Variants in ZDHHC6 observed in about 807,000 individuals in gnomAD.
The protein encoded by ZDHHC6 is zDHHC palmitoyltransferase 6.
Under a neutral mutation model 57.8 loss-of-function variants are expected in ZDHHC6, and 32 were observed. That is an observed-to-expected ratio of 0.55 (90% CI 0.42 to 0.74). The LOEUF (loss-of-function observed/expected upper bound fraction) is 0.74. ZDHHC6 is among the 30% of genes least tolerant of loss of function. The pLI is 0.00. For missense variants in ZDHHC6, 433 were observed against 500.7 expected, an observed-to-expected ratio of 0.86 and a Z score of 1.29; for synonymous variants, 128 against 158.0, an observed-to-expected ratio of 0.81 and a Z score of 1.42.
In ZDHHC6 at chr10:112,430,839, C is replaced by A; in HGVS notation, c.1207G>T (p.Asp403Tyr). 1 of 1,613,800 alleles carries A rather than the reference C, an allele frequency of 6.2e-7. No individual in the cohort carries two copies. The highest frequency in any genetic ancestry group is 1.1e-5 in the South Asian group (1 of 90,972). ...VEKCPCDAETDQAPEGEKKNR is the reference protein window; with the variant it reads ...VEKCPCDAETYQAPEGEKKNR ...TTCTTCTCCCCCTCTGGGGCTTGATCTGTTTCAGCATCACAGGGACACTTT... is the reference window on the plus strand; with the variant it reads ...TTCTTCTCCCCCTCTGGGGCTTGATATGTTTCAGCATCACAGGGACACTTT... Residue 403 changes from aspartate to tyrosine, a missense_variant, in exon 11 of 11, where the codon GAT becomes TAT. Asp to Tyr is a radical substitution (Grantham distance 160). Coordinates refer to ENST00000369405, the MANE Select transcript of ZDHHC6 (RefSeq NM_022494.3).
intron 6 of ZDHHC6, among the ~76,000 whole-genome samples, chr10:112,437,382 T>TA (rs1845643647): frequency 6.6e-6 from 1 of 152,202 alleles, no homozygotes; most frequent in Non-Finnish European, 1.5e-5. Context: ...AAGAGCAAGA[T>TA]AGACTGATGA....
At chr10:112,442,779 T>C (rs1390605467) in intron 3 of ZDHHC6, among the ~76,000 whole-genome samples, 1 of 152,196 alleles carries the variant, frequency 6.6e-6, no homozygotes, top group Non-Finnish European at 1.5e-5. Flanking sequence ...TGGGCTCAAA[T>C]AGACACATGT....
chr10:112,447,565 G>A (rs1846932776), upstream of ZDHHC6: 1 of 1,371,548 alleles, frequency 7.3e-7, no homozygotes, highest in Non-Finnish European at 1.0e-6. Context: ...GAGGCGCGAG[G>A]CTGGAGTGGG....
downstream of ZDHHC6, chr10:112,428,151 G>C (rs1844812991): frequency 9.7e-6 from 3 of 310,656 alleles, no homozygotes; most frequent in South Asian, 4.8e-4. Flanking sequence ...GGTGGGCCCA[G>C]TGAACTTTTC....
At position 112,442,462 on chromosome 10, in the gene ZDHHC6, G is replaced by A. The variant is rs1442277037; in HGVS notation, c.360-111C>T. 4.1e-6 allele frequency: 4 copies of A among 984,782 alleles called. No homozygotes were observed. The East Asian group carries it at 8.0e-5, about 20-fold the overall frequency. 61.0% of individuals were successfully genotyped at this position (984,782 alleles called of 1,614,324 possible). On this transcript the variant is annotated intron_variant, in intron 3 of 10. Coordinates refer to ENST00000369405, the MANE Select transcript of ZDHHC6 (RefSeq NM_022494.3). The stretch of plus-strand genomic sequence containing the variant: ...GGAATCCAGCATGTCCATGAGCTAC[G>A]AGAGAATTATACTTCATGGAACAGA...
At chr10:112,425,902 G>A (rs145877511), downstream of ZDHHC6, among the ~76,000 whole-genome samples, 66 of 152,206 alleles carry the variant, frequency 4.3e-4, no homozygotes, top group African/African-American at 1.5e-3. Flanking sequence ...ATGCTTAAAC[G>A]TAGCTTTAAG....
upstream of ZDHHC6, chr10:112,447,388 C>G (rs373573273): frequency 3.1e-6 from 5 of 1,613,516 alleles, no homozygotes. Flanking sequence ...CGTCCGACTT[C>G]GAAGGTTACG....
chr10:112,441,345 C>T (rs1474312216), intron 4 of ZDHHC6, among the ~76,000 whole-genome samples: 2 of 152,158 alleles, frequency 1.3e-5, no homozygotes, highest in Non-Finnish European at 2.9e-5. Flanking sequence ...TATTCTACAT[C>T]GCAGTATTCT....
chr10:112,444,765 TTA>T (rs532849720), intron 2 of ZDHHC6, among the ~76,000 whole-genome samples: 350 of 152,334 alleles, frequency 2.3e-3, no homozygotes, highest in Middle Eastern at 6.8e-3. Flanking sequence ...TTTTAAAACT[TTA>T]TGATTTAAAC....
Position 112,433,221 on chromosome 10 carries a change from C to G in ZDHHC6, c.945+19G>C. On this transcript the variant is annotated intron_variant, in intron 8 of 10. Coordinates refer to ENST00000369405, the MANE Select transcript of ZDHHC6 (RefSeq NM_022494.3). ...CTAACAAAAGAAAAAAAAATTACCACTGCAAAAGAAGTACTTACACTTCTG... is the reference window on the plus strand; with the variant it reads ...CTAACAAAAGAAAAAAAAATTACCAGTGCAAAAGAAGTACTTACACTTCTG... 5 of 1,569,906 alleles carry G rather than the reference C, an allele frequency of 3.2e-6. No homozygotes were observed. Among genetic ancestry groups the G allele is most frequent in the Non-Finnish European group, 4.3e-6 (5 of 1,162,606 alleles).
intron 5 of ZDHHC6, 72 bp downstream of exon 5, chr10:112,440,462 G>A (rs1014148122): frequency 1.2e-5 from 18 of 1,474,684 alleles, no homozygotes; most frequent in Admixed American, 5.9e-5. Context: ...TTAAATACAG[G>A]CTTTGTCTCT....
In ZDHHC6 at chr10:112,438,384, T is replaced by A; in HGVS notation, c.687A>T (p.Lys229Asn). The change falls in exon 6 of 11, where the codon AAA becomes AAT. Residue 229 changes from lysine to asparagine, a missense_variant. Lys to Asn is a moderately conservative substitution (Grantham distance 94). Transcript: ENST00000369405. ...AVGMLFFIQMKIILRNKTSIE... is the reference protein window; with the variant it reads ...AVGMLFFIQMNIILRNKTSIE... ...TAGAAGTTTTGTTTCTGAGAATTAT[T>A]TTCATCTGGAAATTAAATGATAGTA... is the stretch of plus-strand genomic sequence containing the variant. 1.4e-6 allele frequency: 2 copies of A among 1,389,904 alleles called. No individual in the cohort carries two copies. Among genetic ancestry groups the A allele is most frequent in the Non-Finnish European group, 1.9e-6 (2 of 1,042,046 alleles). The allele number at this position is 1,389,904 out of a possible 1,614,324, so 86.1% of individuals were successfully genotyped here.
chr10:112,445,889 C>T (rs1846616306), intron 1 of ZDHHC6, among the ~76,000 whole-genome samples: 1 of 152,182 alleles, frequency 6.6e-6, no homozygotes, highest in Non-Finnish European at 1.5e-5. Context: ...TTTTTTTATT[C>T]CTTCTCCGCT....
chr10:112,428,496 G>GGAA, downstream of ZDHHC6: 1 of 398,358 alleles, frequency 2.5e-6, no homozygotes, highest in East Asian at 3.6e-5. Flanking sequence ...GAATTATCTA[G>GGAA]GAAGTTTAAA....
rs761637823 is a variant in ZDHHC6 at position 112,433,226 on chromosome 10, A to G, written c.945+14T>C. On this transcript the variant is annotated intron_variant, in intron 8 of 10. Coordinates refer to ENST00000369405, the MANE Select transcript of ZDHHC6 (RefSeq NM_022494.3). ...AAAAGAAAAAAAAATTACCACTGCA[A>G]AAGAAGTACTTACACTTCTGACTCT... 5 of 1,574,874 alleles carry G rather than the reference A, an allele frequency of 3.2e-6. No individual in the cohort carries two copies. Among genetic ancestry groups the G allele is most frequent in the African/African-American group, 2.8e-5 (2 of 72,702 alleles).
chr10:112,431,595 T>C (rs912382379), intron 10 of ZDHHC6, among the ~76,000 whole-genome samples: 3 of 152,308 alleles, frequency 2.0e-5, no homozygotes, highest in Non-Finnish European at 2.9e-5. Flanking sequence ...ATTACAGGCA[T>C]GAGTCACCAC....
intron 5 of ZDHHC6, among the ~76,000 whole-genome samples, chr10:112,439,384 G>C (rs1176377137): frequency 1.3e-5 from 2 of 152,066 alleles, no homozygotes; most frequent in South Asian, 4.2e-4. Flanking sequence ...TGTAATCCCA[G>C]CACTTTGGGA....
chr10:112,442,327 G>C lies in ZDHHC6; in HGVS notation c.384C>G (p.His128Gln). The C allele has an allele frequency of 6.2e-7, 1 of 1,612,678 alleles. No individual in the cohort carries two copies. The highest frequency in any genetic ancestry group is 8.5e-7 in the Non-Finnish European group (1 of 1,179,674). The stretch of plus-strand genomic sequence containing the variant: ...CACAACAGTTGTTGATCCAAGGACA[G>C]TGATGGTCCATCTTCATCACACATC... ...CNRCVMKMDH[H>Q]CPWINNCCGY... Residue 128 changes from histidine to glutamine, a missense_variant, in exon 4 of 11, where the codon CAC becomes CAG. Transcript: ENST00000369405.
chr10:112,439,628 TAAAAAAAAAAAAAAAAAAAAAA>T lies in ZDHHC6; in HGVS notation c.681+884_681+905del, dbSNP rs869272293. On this transcript the variant is annotated intron_variant, in intron 5 of 10. Coordinates refer to ENST00000369405, the MANE Select transcript of ZDHHC6 (RefSeq NM_022494.3). ...CTGGGTGACAGAGTGAGACTCCGTC[TAAAAAAAAAAAAAAAAAAAAAA>T]AAAAAAAAAAAAAAAAAAAGAATGA... 7.0e-3 allele frequency among the ~76,000 whole-genome samples: 219 copies of T among 31,306 alleles called. 5 individuals carry two copies. Among genetic ancestry groups the T allele is most frequent in the Middle Eastern group, 0.056 (2 of 36 alleles). The allele number at this position is 31,306 out of a possible 152,430, so 20.5% of individuals were successfully genotyped here.
Sources: gnomAD v4.1 joint callset for allele counts (sites outside exome capture counted in the v4.1 genomes callset) on GRCh38, gnomAD v4.1.1 for gene constraint, MANE v1.5 for transcripts, NCBI Gene and HGNC (gene_info 2026-07-23, HGNC 2026-07-21) for gene names.